CFAP95: variants seen among roughly 807,000 people sequenced by gnomAD.
The protein encoded by CFAP95 is cilia- and flagella-associated protein 95.
the CFAP95 span, among the ~76,000 whole-genome samples, chr9:69,894,990 CA>C: frequency 0.84 from 121,496 of 144,590 alleles, 50,788 homozygotes; most frequent in Middle Eastern, 0.89. Context: ...GACTCTATCT[CA>C]AAAAAAAAGA....
At chr9:69,897,937 G>C in the CFAP95 span, among the ~76,000 whole-genome samples, 1 of 152,192 alleles carries the variant, frequency 6.6e-6, no homozygotes, top group Non-Finnish European at 1.5e-5. Context: ...AGAAAAGAAA[G>C]AAGAATGCTT....
the CFAP95 span, among the ~76,000 whole-genome samples, chr9:69,872,250 A>G: frequency 9.8e-4 from 150 of 152,352 alleles, no homozygotes; most frequent in Non-Finnish European, 1.5e-3. Context: ...AGTGCTCTAT[A>G]TCTTTCAGAG....
the CFAP95 span, among the ~76,000 whole-genome samples, chr9:69,859,499 T>C: frequency 6.6e-6 from 1 of 152,170 alleles, no homozygotes; most frequent in African/African-American, 2.4e-5. Flanking sequence ...TTTGTTTGTA[T>C]GGTATCCATC....
the CFAP95 span, among the ~76,000 whole-genome samples, chr9:69,892,841 G>A: frequency 1.1e-4 from 17 of 152,234 alleles, no homozygotes; most frequent in Middle Eastern, 3.4e-3. Context: ...AGGGACAGCC[G>A]AACTCCAGGG....
chr9:69,865,052 G>C, the CFAP95 span, among the ~76,000 whole-genome samples: 1 of 152,118 alleles, frequency 6.6e-6, no homozygotes, highest in Non-Finnish European at 1.5e-5. Flanking sequence ...ACTGGGTGGA[G>C]ATAACTGGAT....
the CFAP95 span, among the ~76,000 whole-genome samples, chr9:69,872,025 G>C: frequency 6.6e-6 from 1 of 152,164 alleles, no homozygotes; most frequent in African/African-American, 2.4e-5. Context: ...CTTTAAGATA[G>C]ATACTGCAAC....
At chr9:69,823,547 T>C in the CFAP95 span, among the ~76,000 whole-genome samples, 10 of 152,168 alleles carry the variant, frequency 6.6e-5, no homozygotes, top group Non-Finnish European at 1.3e-4. Flanking sequence ...TATTATAAGA[T>C]TACATGAGGT....
At chr9:69,843,531 C>A in the CFAP95 span, among the ~76,000 whole-genome samples, 4 of 23,896 alleles carry the variant, frequency 1.7e-4, no homozygotes, top group Non-Finnish European at 3.4e-4. Flanking sequence ...CCTCCTCCTC[C>A]TCCTCCTCCT....
At chr9:69,843,621 CTTCTTCT>C in the CFAP95 span, among the ~76,000 whole-genome samples, 1 of 68,320 alleles carries the variant, frequency 1.5e-5, no homozygotes, top group African/African-American at 8.7e-5. Flanking sequence ...TCTTCTTCTT[CTTCTTCT>C]TCCTCCTCCT....
At chr9:69,867,283 C>T in the CFAP95 span, among the ~76,000 whole-genome samples, 35 of 152,234 alleles carry the variant, frequency 2.3e-4, no homozygotes, top group African/African-American at 5.5e-4. Flanking sequence ...ATATAGTGCC[C>T]GTTAGATCTG....
chr9:69,869,640 A>C, the CFAP95 span, among the ~76,000 whole-genome samples: 4 of 152,210 alleles, frequency 2.6e-5, no homozygotes, highest in South Asian at 2.1e-4. Flanking sequence ...GGAGATGGAT[A>C]TGTTAATTAG....
chr9:69,862,854 C>T, the CFAP95 span, among the ~76,000 whole-genome samples: 1 of 152,136 alleles, frequency 6.6e-6, no homozygotes, highest in African/African-American at 2.4e-5. Flanking sequence ...AGACATAACA[C>T]CTTTCCTCCA....
chr9:69,843,508 TCCTCCTCCTC>T, the CFAP95 span, among the ~76,000 whole-genome samples: 2 of 814 alleles, frequency 2.5e-3, 1 homozygote, highest in Admixed American at 0.029. Flanking sequence ...CCTCCCCCCC[TCCTCCTCCTC>T]CTCCTCCTCC....
At chr9:69,903,006 A>T in the CFAP95 span, among the ~76,000 whole-genome samples, 1 of 152,174 alleles carries the variant, frequency 6.6e-6, no homozygotes, top group African/African-American at 2.4e-5. Flanking sequence ...TTTTAATAAG[A>T]TGTACAAAAT....
the CFAP95 span, among the ~76,000 whole-genome samples, chr9:69,868,691 C>G: frequency 7.3e-6 from 1 of 136,818 alleles, no homozygotes; most frequent in Non-Finnish European, 1.6e-5. Flanking sequence ...AAAACAAAAA[C>G]AAAAAGAAAC....
chr9:69,849,190 A>G, the CFAP95 span, among the ~76,000 whole-genome samples: 10 of 152,144 alleles, frequency 6.6e-5, no homozygotes, highest in Non-Finnish European at 1.3e-4. Context: ...TACGAGCTCT[A>G]TGAAAGTGGG....
chr9:69,821,013 C>T, the CFAP95 span: 2 of 1,613,670 alleles, frequency 1.2e-6, no homozygotes, highest in Non-Finnish European at 8.5e-7. Flanking sequence ...TACTCGAAGC[C>T]GGTGTTGGTG....
chr9:69,840,636 T>C, the CFAP95 span, among the ~76,000 whole-genome samples: 4 of 152,348 alleles, frequency 2.6e-5, no homozygotes, highest in South Asian at 8.3e-4. Flanking sequence ...TAAATATGTA[T>C]TATACAGAGA....
At chr9:69,875,870 A>AT in the CFAP95 span, among the ~76,000 whole-genome samples, 2 of 152,128 alleles carry the variant, frequency 1.3e-5, no homozygotes, top group Admixed American at 1.3e-4. Flanking sequence ...CAATATATCC[A>AT]TTTTCTTGCA....
Sources: gnomAD v4.1 joint callset for allele counts (sites outside exome capture counted in the v4.1 genomes callset) on GRCh38, gnomAD v4.1.1 for gene constraint, MANE v1.5 for transcripts, NCBI Gene and HGNC (gene_info 2026-07-23, HGNC 2026-07-21) for gene names.